The following NADK2 variants were observed in gnomAD, a reference collection of about 807,000 sequenced individuals.
NADK2 encodes NAD kinase 2, mitochondrial.
Under a neutral mutation model 62.1 loss-of-function variants are expected in NADK2, and 35 were observed. The ratio of observed to expected loss-of-function variants is 0.56; its 90% confidence interval spans 0.43 to 0.75. The LOEUF is 0.75. NADK2 is among the 30% of genes least tolerant of loss of function. The probability of loss-of-function intolerance (pLI) is 0.00; values close to 1 mark genes in which losing one functional copy is unlikely to be tolerated. For synonymous variants in NADK2, 205 were observed against 207.9 expected (o/e 0.99, Z 0.12); for missense variants, 439 against 561.3 (o/e 0.78, Z 2.20).
intron 1 of NADK2, among the ~76,000 whole-genome samples, chr5:36,233,698 G>C (rs1361659884): frequency 6.6e-6 from 1 of 151,916 alleles, no homozygotes; most frequent in Non-Finnish European, 1.5e-5. Context: ...AAACATACAA[G>C]GCTAAATTCT....
intron 4 of NADK2, among the ~76,000 whole-genome samples, chr5:36,222,487 T>C (rs1437382416): frequency 1.3e-5 from 2 of 152,252 alleles, no homozygotes; most frequent in East Asian, 3.9e-4. Flanking sequence ...TTTTTTAAGC[T>C]AAAGAATGTG....
intron 7 of NADK2, chr5:36,208,673 G>A (rs1479426540): frequency 1.7e-5 from 26 of 1,532,784 alleles, no homozygotes; most frequent in African/African-American, 5.5e-5. Flanking sequence ...CACTGCTACA[G>A]CCCAAGAATA....
In NADK2 at chr5:36,192,894, A is replaced by C. The variant is rs1035071388; in HGVS notation, c.*2250T>G. ...TGTTAAAAAGAAGAGGTAACAGTGGAGTAATTTTATTCACATAGGGTTGCG... is the reference window on the plus strand; with the variant it reads ...TGTTAAAAAGAAGAGGTAACAGTGGCGTAATTTTATTCACATAGGGTTGCG... On this transcript the variant is annotated 3_prime_UTR_variant, in exon 12 of 12. Coordinates refer to ENST00000381937, the MANE Select transcript of NADK2 (RefSeq NM_001085411.3). 2 of 152,214 alleles carry C rather than the reference A, an allele frequency of 1.3e-5. No homozygotes were observed. The highest frequency in any genetic ancestry group is 4.8e-5 in the African/African-American group (2 of 41,458). The allele number at this position is 152,214 out of a possible 1,614,324, so 9.4% of individuals were successfully genotyped here. A position where few individuals can be genotyped will look rare whatever the true frequency, so the allele number is the denominator to read the frequency against.
rs190833959 is a variant in NADK2 at position 36,223,116 on chromosome 5, A to T, written c.560+2426T>A. On this transcript the variant is annotated intron_variant, in intron 4 of 11. Coordinates refer to ENST00000381937, the MANE Select transcript of NADK2 (RefSeq NM_001085411.3). ...TGGGACTGACATTCTCCTGGGACAC[A>T]GGACTTTCAGTGCTAAAACCAGGAA... 1.3e-3 allele frequency among the ~76,000 whole-genome samples: 203 copies of T among 152,294 alleles called. 3 individuals are homozygous for T. Among genetic ancestry groups the T allele is most frequent in the South Asian group, 2.1e-3 (10 of 4,828 alleles).
intron 7 of NADK2, among the ~76,000 whole-genome samples, chr5:36,210,306 A>G (rs1427699637): frequency 1.3e-5 from 2 of 152,174 alleles, no homozygotes; most frequent in East Asian, 3.8e-4. Context: ...AATGTTTTCC[A>G]AAAAAATTAT....
At chr5:36,235,239 A>C (rs1747858202) in intron 1 of NADK2, among the ~76,000 whole-genome samples, 1 of 152,208 alleles carries the variant, frequency 6.6e-6, no homozygotes, top group Admixed American at 6.5e-5. Flanking sequence ...CAGAGTTAAA[A>C]ATCAACATAT....
intron 5 of NADK2, among the ~76,000 whole-genome samples, chr5:36,219,226 T>C (rs1747159298): frequency 6.6e-6 from 1 of 152,200 alleles, no homozygotes; most frequent in Non-Finnish European, 1.5e-5. Context: ...GTTTGTTTGT[T>C]TTGAGACACA....
chr5:36,197,591 T>C lies in NADK2; in HGVS notation c.1140A>G (p.Pro380=). The change falls in exon 11 of 12, where the codon CCA becomes CCG. Residue 380 remains proline, a synonymous_variant. Transcript: ENST00000381937. The stretch of plus-strand genomic sequence containing the variant: ...TGCTTGAGAAAACTCTATTTGCTAT[T>C]GGTTCTCGAATACTGAAAAGTATTT... ...EPKILFSIRE[P]IANRVFSSSR... 6.2e-7 allele frequency: 1 copy of C among 1,612,174 alleles called. No individual in the cohort carries two copies.
In NADK2 at chr5:36,223,878, T is replaced by C. The variant is rs114906785; in HGVS notation, c.560+1664A>G. 2.7e-3 allele frequency among the ~76,000 whole-genome samples: 408 copies of C among 152,156 alleles called. 1 individual carries two copies. The highest frequency in any genetic ancestry group is 9.3e-3 in the African/African-American group (388 of 41,524). ...AAATTTTCTTGAAAAACAGGAGTCT[T>C]GAACAAGTCTTTTTAGGCTAAAAGG... On this transcript the variant is annotated intron_variant, in intron 4 of 11. Coordinates refer to ENST00000381937, the MANE Select transcript of NADK2 (RefSeq NM_001085411.3).
chr5:36,206,845 CT>C (rs148616774), intron 8 of NADK2, among the ~76,000 whole-genome samples: 1 of 152,028 alleles, frequency 6.6e-6, no homozygotes, highest in African/African-American at 2.4e-5. Flanking sequence ...CTCCAGCCTA[CT>C]TTTTTTATTG....
Position 36,225,522 on chromosome 5 carries a change from A to C in NADK2, c.560+20T>G. 6.3e-7 allele frequency: 1 copy of C among 1,598,922 alleles called. No individual in the cohort carries two copies. The highest frequency in any genetic ancestry group is 1.7e-5 in the Admixed American group (1 of 57,928). On this transcript the variant is annotated intron_variant, in intron 4 of 11. Transcript: ENST00000381937. ...AAGCACACCACACAAATCAAACAAA[A>C]TGTATACGTTCTTTCTTACCGTTCT...
intron 1 of NADK2, among the ~76,000 whole-genome samples, chr5:36,236,365 G>A (rs1459066273): frequency 6.6e-6 from 1 of 152,198 alleles, no homozygotes; most frequent in African/African-American, 2.4e-5. Flanking sequence ...TCCAAGTTGT[G>A]TTCCACAGAA....
chr5:36,228,845 C>G (rs990358328), intron 1 of NADK2, among the ~76,000 whole-genome samples: 2 of 150,084 alleles, frequency 1.3e-5, no homozygotes, highest in Non-Finnish European at 3.0e-5. Context: ...AGGCTAGTCT[C>G]GAACTCCTGG....
chr5:36,203,806 CAGA>C (rs1252248416), intron 8 of NADK2, among the ~76,000 whole-genome samples: 1 of 152,114 alleles, frequency 6.6e-6, no homozygotes, highest in Non-Finnish European at 1.5e-5. Context: ...TTGCCTCTAG[CAGA>C]AGCACTACTT....
At chr5:36,234,201 C>T (rs1191898794) in intron 1 of NADK2, among the ~76,000 whole-genome samples, 1 of 150,570 alleles carries the variant, frequency 6.6e-6, no homozygotes, top group Non-Finnish European at 1.5e-5. Flanking sequence ...GGTGAAACCC[C>T]GTCTCTACTA....
intron 1 of NADK2, among the ~76,000 whole-genome samples, chr5:36,238,206 T>C (rs1382803468): frequency 6.6e-6 from 1 of 152,200 alleles, no homozygotes; most frequent in Non-Finnish European, 1.5e-5. Context: ...GCATACCCTG[T>C]GGCAAAAGTA....
chr5:36,241,696 G>A lies in NADK2; in HGVS notation c.103C>T (p.Pro35Ser). 1 of 1,134,618 alleles carries A rather than the reference G, an allele frequency of 8.8e-7. No individual in the cohort carries two copies. The highest frequency in any genetic ancestry group is 1.1e-6 in the Non-Finnish European group (1 of 929,514). The allele number at this position is 1,134,618 out of a possible 1,614,324, so 70.3% of individuals were successfully genotyped here. A position where few individuals can be genotyped will look rare whatever the true frequency, so the allele number is the denominator to read the frequency against. ...CCGCCACCGTCACCGCCCAGCCGGG[G>A]CCGCGCGGCGGGGCCTCCCGCACCC... ...GPGAGGPAAR[P>S]RLGGDGGGRR... Residue 35 changes from proline (P) to serine (S), a missense_variant, in exon 1 of 12, where the codon CCC (proline) becomes TCC (serine). By Grantham distance (74) the Pro-to-Ser change is moderately conservative. Transcript: ENST00000381937. This position sits in a 1 kb window ranked among gnomAD's most constrained non-coding sequence, Gnocchi z 4.9.
intron 1 of NADK2, among the ~76,000 whole-genome samples, chr5:36,236,867 C>CAA (rs5867308): frequency 0.087 from 8,284 of 95,428 alleles, 970 homozygotes; most frequent in African/African-American, 0.27. Context: ...AGCTTAACCT[C>CAA]AAAAAAAAAA....
intron 4 of NADK2, among the ~76,000 whole-genome samples, chr5:36,220,108 A>C (rs183034282): frequency 1.2e-3 from 181 of 152,310 alleles, no homozygotes; most frequent in African/African-American, 4.1e-3. Context: ...TCATCTCCAA[A>C]ATCAGGATAA....
Sources: allele counts gnomAD v4.1 joint callset (sites outside exome capture counted in the v4.1 genomes callset), GRCh38; gene constraint gnomAD v4.1.1; non-coding constraint Gnocchi (gnomAD v3.1); transcripts MANE v1.5; gene names NCBI Gene and HGNC (gene_info 2026-07-23, HGNC 2026-07-21).